Variants in UNC13C observed in about 807,000 individuals in gnomAD.
UNC13C encodes unc-13 homolog C.
UNC13C carries 174 observed loss-of-function variants against 245.4 expected under a neutral mutation model. The ratio of observed to expected loss-of-function variants is 0.71; its 90% CI spans 0.63 to 0.80. The LOEUF (loss-of-function observed/expected upper bound fraction) is 0.80. UNC13C is among the 30% of genes least tolerant of loss of function. The pLI is 0.00. For missense variants in UNC13C, 2,829 were observed against 2,602.9 expected (o/e 1.09, Z -1.89); for synonymous variants, 992 against 895.1 (o/e 1.11, Z -1.93).
At chr15:54,609,471 A>G (rs1428929693) in intron 30 of UNC13C, 20 of 152,094 alleles carry the variant, frequency 1.3e-4, no homozygotes, top group Admixed American at 1.3e-3. Context: ...CAGGGAAACC[A>G]CAGGGTTTTA....
intron 19 of UNC13C, among the ~76,000 whole-genome samples, chr15:54,447,010 A>G (rs537952470): frequency 7.4e-4 from 112 of 152,230 alleles, no homozygotes; most frequent in African/African-American, 2.6e-3. Flanking sequence ...AGGGCTGTTG[A>G]ATTTTGTCAA....
intron 4 of UNC13C, among the ~76,000 whole-genome samples, chr15:54,198,029 G>A (rs2034411941): frequency 6.6e-6 from 1 of 152,054 alleles, no homozygotes; most frequent in South Asian, 2.1e-4. Context: ...GTGTGGGAGT[G>A]GGGTGAGGCT....
intron 23 of UNC13C, among the ~76,000 whole-genome samples, chr15:54,507,596 A>C (rs1285204992): frequency 1.3e-5 from 2 of 152,162 alleles, no homozygotes; most frequent in Non-Finnish European, 2.9e-5. Context: ...AATAAATTGC[A>C]AACGTTAATA....
the UNC13C span, among the ~76,000 whole-genome samples, chr15:53,878,876 G>C: frequency 6.9e-6 from 1 of 143,908 alleles, no homozygotes; most frequent in Non-Finnish European, 1.6e-5. Context: ...TGAATATGCA[G>C]ATAGAAGCCA....
intron 2 of UNC13C, among the ~76,000 whole-genome samples, chr15:54,124,909 T>C (rs1375541039): frequency 2.0e-5 from 3 of 152,180 alleles, no homozygotes; most frequent in Non-Finnish European, 4.4e-5. Flanking sequence ...TCCATTGAAT[T>C]GCTTTTGAAT....
At chr15:54,114,662 A>G (rs751965228) in intron 2 of UNC13C, among the ~76,000 whole-genome samples, 8 of 152,168 alleles carry the variant, frequency 5.3e-5, no homozygotes, top group African/African-American at 7.2e-5. Flanking sequence ...ATATTTCTAC[A>G]TATAACCTTT....
intron 2 of UNC13C, among the ~76,000 whole-genome samples, chr15:54,029,107 T>A (rs1220763429): frequency 6.6e-6 from 1 of 152,184 alleles, no homozygotes; most frequent in Non-Finnish European, 1.5e-5. Context: ...TTTTGGGAAT[T>A]GATTGTGATT....
At chr15:54,148,218 T>C (rs757290708) in intron 4 of UNC13C, among the ~76,000 whole-genome samples, 2 of 152,172 alleles carry the variant, frequency 1.3e-5, no homozygotes, top group African/African-American at 4.8e-5. Context: ...AACAGGTACA[T>C]TTACCAAAAA....
chr15:54,528,555 T>G (rs1317036705), intron 25 of UNC13C, among the ~76,000 whole-genome samples: 1 of 152,062 alleles, frequency 6.6e-6, no homozygotes, highest in East Asian at 1.9e-4. Flanking sequence ...TCTTTTTCTA[T>G]TTTTTCACGT....
chr15:53,976,471 C>CTTTTT (rs1491026119), upstream of UNC13C, among the ~76,000 whole-genome samples: 9 of 31,406 alleles, frequency 2.9e-4, no homozygotes, highest in African/African-American at 5.0e-4. Context: ...CTCTCTCTCT[C>CTTTTT]TCTCTCTTTT....
chr15:54,323,310 AG>A (rs2038214584), intron 14 of UNC13C, among the ~76,000 whole-genome samples: 1 of 152,002 alleles, frequency 6.6e-6, no homozygotes, highest in Admixed American at 6.6e-5. Context: ...GAATAATCAA[AG>A]GAAAGTATAA....
rs116558007 is a variant in UNC13C, at chr15:54,352,684, G to A, written c.4713+14195G>A. Among the ~76,000 whole-genome samples, 1,062 of 152,104 alleles carry A rather than the reference G, an allele frequency of 7.0e-3. 12 individuals carry two copies. The highest frequency in any genetic ancestry group is 0.024 in the African/African-American group (1,010 of 41,540). On this transcript the variant is annotated intron_variant, in intron 17 of 32. Transcript: ENST00000260323. The stretch of plus-strand genomic sequence containing the variant: ...ATATATAATCTCTGATAGATGGCTA[G>A]CAAAGACAGACTAGATTGTAATAAT...
Position 54,180,524 on chromosome 15 carries a change from G to A in UNC13C, c.3071+36840G>A, listed in dbSNP as rs562858626. 2.6e-5 allele frequency among the ~76,000 whole-genome samples: 4 copies of A among 152,120 alleles called. No individual in the cohort carries two copies. The South Asian group carries it at 8.3e-4, about 32-fold the overall frequency. On this transcript the variant is annotated intron_variant, in intron 4 of 32. Coordinates refer to ENST00000260323, the MANE Select transcript of UNC13C (RefSeq NM_001080534.3). ...TCTTTTGGTTATATACCCAGTAATG[G>A]CATTGCTGGGTCAAATGGCAGTTCT... is the stretch of plus-strand genomic sequence containing the variant.
chr15:54,480,413 A>C (rs12439078), intron 19 of UNC13C, among the ~76,000 whole-genome samples: 60,392 of 135,196 alleles, frequency 0.45, 12,742 homozygotes, highest in East Asian at 0.65. Context: ...TTCTTTTTTT[A>C]CTCTTTTTTT....
chr15:53,967,453 C>T, the UNC13C span, among the ~76,000 whole-genome samples: 98 of 152,080 alleles, frequency 6.4e-4, no homozygotes, highest in African/African-American at 2.4e-3. Flanking sequence ...TTTACCTGTT[C>T]TCAAGTCCTT....
chr15:53,994,999 G>A (rs185555623), intron 1 of UNC13C, among the ~76,000 whole-genome samples: 1 of 152,066 alleles, frequency 6.6e-6, no homozygotes, highest in Admixed American at 6.6e-5. Flanking sequence ...AAAAGATGGA[G>A]GAATGAAGGG....
intron 2 of UNC13C, among the ~76,000 whole-genome samples, chr15:54,132,546 A>G (rs2031494389): frequency 6.6e-6 from 1 of 152,176 alleles, no homozygotes; most frequent in Non-Finnish European, 1.5e-5. Flanking sequence ...CTCCTTATTA[A>G]TAATTCACAA....
chr15:54,073,205 A>G (rs527902008), intron 2 of UNC13C, among the ~76,000 whole-genome samples: 2 of 152,334 alleles, frequency 1.3e-5, no homozygotes, highest in Admixed American at 1.3e-4. Flanking sequence ...TGTAAAGGAC[A>G]TGAACCCATC....
intron 30 of UNC13C, among the ~76,000 whole-genome samples, chr15:54,590,752 A>G (rs1326159279): frequency 1.3e-5 from 2 of 152,164 alleles, no homozygotes; most frequent in Non-Finnish European, 2.9e-5. Context: ...GGACAGGTTG[A>G]CTTCCTCTTT....
Sources: gnomAD v4.1 joint callset for allele counts (sites outside exome capture counted in the v4.1 genomes callset) on GRCh38, gnomAD v4.1.1 for gene constraint, MANE v1.5 for transcripts, NCBI Gene and HGNC (gene_info 2026-07-23, HGNC 2026-07-21) for gene names.